Variants in TBC1D31 observed in about 807,000 individuals in gnomAD.
TBC1D31 encodes TBC1 domain family member 31.
Under a neutral mutation model 132.9 loss-of-function variants are expected in TBC1D31, and 99 were observed. The observed-to-expected ratio is 0.74, with a 90% CI of 0.63 to 0.88. TBC1D31 has a LOEUF of 0.88. TBC1D31 is among the 40% of genes least tolerant of loss of function. The pLI is 0.00. For missense variants in TBC1D31, 1,134 were observed against 1,256.6 expected (o/e 0.90, Z 1.48); for synonymous variants, 385 against 419.4 (o/e 0.92, Z 1.00).
chr8:123,074,567 G>A (rs1361863511), intron 1 of TBC1D31, among the ~76,000 whole-genome samples: 1 of 152,116 alleles, frequency 6.6e-6, no homozygotes, highest in African/African-American at 2.4e-5. Flanking sequence ...TAGCCCACTC[G>A]CCTTCTCTTT....
chr8:123,102,214 G>A, intron 7 of TBC1D31: 1 of 456,422 alleles, frequency 2.2e-6, no homozygotes, highest in Non-Finnish European at 4.4e-6. Flanking sequence ...AGACTTTGAT[G>A]ATCACCTGGT....
chr8:123,121,247 T>C lies in TBC1D31; in HGVS notation c.1570+1059T>C, dbSNP rs114833873. 1.8e-3 allele frequency among the ~76,000 whole-genome samples: 272 copies of C among 152,206 alleles called. 1 individual carries two copies. The highest frequency in any genetic ancestry group is 6.3e-3 in the African/African-American group (261 of 41,500). On this transcript the variant is annotated intron_variant, in intron 11 of 21. Transcript: ENST00000287380. ...TGCTGGGATTACAGACGTGAGCCCC[T>C]GGCACCCGACATTTTATCTATTAAA...
chr8:123,086,986 G>A (rs1247534976), intron 4 of TBC1D31, among the ~76,000 whole-genome samples: 1 of 152,170 alleles, frequency 6.6e-6, no homozygotes, highest in African/African-American at 2.4e-5. Flanking sequence ...CAAAGTGCTG[G>A]GATTACAGGT....
intron 11 of TBC1D31, 85 bp downstream of exon 11, chr8:123,120,273 C>A: frequency 8.9e-7 from 1 of 1,120,450 alleles, no homozygotes; most frequent in Non-Finnish European, 1.2e-6. Context: ...CAACATTTAA[C>A]AATTCTAGAT....
At chr8:123,103,135 G>C (rs1314583446) in intron 7 of TBC1D31, 1 of 152,186 alleles carries the variant, frequency 6.6e-6, no homozygotes, top group Non-Finnish European at 1.5e-5. Context: ...CACTAATCGA[G>C]TGTTCATGGT....
chr8:123,087,015 C>G (rs1586573211), intron 4 of TBC1D31, among the ~76,000 whole-genome samples: 1 of 152,330 alleles, frequency 6.6e-6, no homozygotes. Context: ...CCATGCCCAG[C>G]CTGGGCACCT....
chr8:123,142,538 TA>T lies in TBC1D31; in HGVS notation c.2835+83del. ...TAAAAGACAGAGTCTCACTTTGTTG[TA>T]CAGCCTCGAAATTCAAACTCGGGGC... On this transcript the variant is annotated intron_variant, in intron 19 of 21. Transcript: ENST00000287380. The T allele has an allele frequency of 1.7e-6, 2 of 1,190,340 alleles. 1 individual carries two copies. The highest frequency in any genetic ancestry group is 2.3e-6 in the Non-Finnish European group (2 of 888,182). The allele number at this position is 1,190,340 out of a possible 1,614,324, so 73.7% of individuals were successfully genotyped here. A position where few individuals can be genotyped will look rare whatever the true frequency, so the allele number is the denominator to read the frequency against.
intron 10 of TBC1D31, among the ~76,000 whole-genome samples, chr8:123,115,182 C>T (rs1193357235): frequency 6.6e-6 from 1 of 152,178 alleles, no homozygotes; most frequent in Non-Finnish European, 1.5e-5. Context: ...GCCAGTGTTA[C>T]TGTGTTTTCA....
chr8:123,146,505 C>G (rs989868807), intron 20 of TBC1D31, among the ~76,000 whole-genome samples: 1 of 151,768 alleles, frequency 6.6e-6, no homozygotes, highest in African/African-American at 2.4e-5. Context: ...TACTTCATTC[C>G]TTTTTATTGC....
intron 5 of TBC1D31, among the ~76,000 whole-genome samples, chr8:123,095,522 C>G (rs1257332788): frequency 1.3e-5 from 2 of 152,156 alleles, no homozygotes; most frequent in African/African-American, 2.4e-5. Context: ...TCAAAAGTGG[C>G]TAATGAAGAT....
At chr8:123,145,784 A>G in intron 20 of TBC1D31, among the ~76,000 whole-genome samples, 1 of 151,972 alleles carries the variant, frequency 6.6e-6, no homozygotes, top group East Asian at 1.9e-4. Flanking sequence ...AGTCTTTTAT[A>G]ATGTGTATAC....
downstream of TBC1D31, among the ~76,000 whole-genome samples, chr8:123,154,579 G>C (rs1422985369): frequency 2.6e-5 from 4 of 152,232 alleles, no homozygotes; most frequent in African/African-American, 9.6e-5. Flanking sequence ...TGTCAGGGTA[G>C]TGTGCAGGCT....
At chr8:123,136,054 C>T (rs1351498709) in intron 17 of TBC1D31, among the ~76,000 whole-genome samples, 2 of 152,160 alleles carry the variant, frequency 1.3e-5, no homozygotes, top group Non-Finnish European at 2.9e-5. Context: ...CTGTTACAGA[C>T]GTGATGCTCC....
Position 123,072,932 on chromosome 8 carries a change from G to T in TBC1D31, c.77+86G>T. Reference sequence around the variant, plus strand: ...CGCCGGGCGTCAGGCAGCGTTCCGGGTTCTGGCTCTGACCTTGCCCCGCAT... The same window carrying T: ...CGCCGGGCGTCAGGCAGCGTTCCGGTTTCTGGCTCTGACCTTGCCCCGCAT... On this transcript the variant is annotated intron_variant, in intron 1 of 21. Coordinates refer to ENST00000287380, the MANE Select transcript of TBC1D31 (RefSeq NM_145647.4). 3.6e-6 allele frequency: 5 copies of T among 1,376,210 alleles called. No homozygotes were observed. In the South Asian group the frequency reaches 3.8e-5, roughly 10 times the overall value. 85.2% of individuals were successfully genotyped at this position (1,376,210 alleles called of 1,614,324 possible).
chr8:123,141,327 C>T (rs988195030), intron 18 of TBC1D31, among the ~76,000 whole-genome samples: 5 of 152,220 alleles, frequency 3.3e-5, no homozygotes, highest in African/African-American at 9.6e-5. Context: ...TAAGCCAGCA[C>T]TTCCAAGTGT....
intron 20 of TBC1D31, among the ~76,000 whole-genome samples, chr8:123,146,644 T>G (rs1198499945): frequency 6.6e-6 from 1 of 152,208 alleles, no homozygotes; most frequent in Non-Finnish European, 1.5e-5. Flanking sequence ...ATTTCACAAA[T>G]TTGAAGAGTG....
At chr8:123,108,473 G>A (rs2130517912) in intron 8 of TBC1D31, among the ~76,000 whole-genome samples, 1 of 152,264 alleles carries the variant, frequency 6.6e-6, no homozygotes, top group African/African-American at 2.4e-5. Flanking sequence ...ATGCTTTAAT[G>A]CTAGGAATTG....
the TBC1D31 span, among the ~76,000 whole-genome samples, chr8:123,158,746 T>C: frequency 6.6e-6 from 1 of 151,952 alleles, no homozygotes; most frequent in Admixed American, 6.6e-5. Flanking sequence ...TTGCTGAGGA[T>C]AGGCGAAGAG....
chr8:123,149,986 C>G, intron 20 of TBC1D31, 50 bp from the exon 21 acceptor site: 1 of 1,377,020 alleles, frequency 7.3e-7, no homozygotes, highest in Non-Finnish European at 1.0e-6. Context: ...ATTAGTAAGC[C>G]TTTCTACTCA....
Sources: gnomAD v4.1 joint callset for allele counts (sites outside exome capture counted in the v4.1 genomes callset) on GRCh38, gnomAD v4.1.1 for gene constraint, MANE v1.5 for transcripts, NCBI Gene and HGNC (gene_info 2026-07-23, HGNC 2026-07-21) for gene names.